Variants in C2orf76 observed in about 807,000 individuals in gnomAD.
C2orf76 encodes UPF0538 protein C2orf76.
Under a neutral mutation model 16.9 loss-of-function variants are expected in C2orf76, and 23 were observed. That is an observed-to-expected ratio of 1.36 (90% CI 0.98 to 1.93). The LOEUF is 1.93. Ranked by LOEUF, C2orf76 falls within the 30% of genes most tolerant of loss-of-function variation. The pLI, the probability that C2orf76 is intolerant of heterozygous loss-of-function variation, is 0.00. For synonymous variants in C2orf76, 48 were observed against 52.3 expected (o/e 0.92, Z 0.35); for missense variants, 152 against 152.6 (o/e 1.00, Z 0.02).
chr2:119,366,603 T>A (rs1317612834), intron 1 of C2orf76, 187 bp downstream of exon 1: 1 of 446,222 alleles, frequency 2.2e-6, no homozygotes, highest in African/African-American at 2.0e-5. Context: ...TGTCCAGAGA[T>A]GCAACTTCCG....
intron 2 of C2orf76, among the ~76,000 whole-genome samples, chr2:119,322,045 AT>A (rs1392842347): frequency 2.0e-5 from 3 of 152,136 alleles, no homozygotes; most frequent in South Asian, 2.1e-4. Context: ...TTAAAAACAT[AT>A]TCCAAATGCC....
chr2:119,294,119 A>G, the C2orf76 span, among the ~76,000 whole-genome samples: 1 of 152,140 alleles, frequency 6.6e-6, no homozygotes, highest in Non-Finnish European at 1.5e-5. Context: ...GGCCTTCTAC[A>G]TCGTAAAGGA....
chr2:119,343,724 G>A (rs1650665257), intron 1 of C2orf76, among the ~76,000 whole-genome samples: 2 of 152,160 alleles, frequency 1.3e-5, no homozygotes, highest in Non-Finnish European at 2.9e-5. Context: ...AGGTTGCAGT[G>A]AGCTGAGATT....
downstream of C2orf76, among the ~76,000 whole-genome samples, chr2:119,300,838 T>G (rs1678608860): frequency 1.3e-5 from 2 of 152,152 alleles, no homozygotes; most frequent in African/African-American, 4.8e-5. Context: ...TACTCAGTGT[T>G]TCTACTGAAT....
At chr2:119,363,734 A>T (rs1348366922) in intron 1 of C2orf76, among the ~76,000 whole-genome samples, 1 of 152,190 alleles carries the variant, frequency 6.6e-6, no homozygotes, top group Non-Finnish European at 1.5e-5. Flanking sequence ...TTATTAATAT[A>T]TCTTGCCAGG....
chr2:119,342,455 A>T lies in C2orf76; in HGVS notation c.-12-2484T>A, dbSNP rs539455483. Among the ~76,000 whole-genome samples, 110 of 151,866 alleles carry T rather than the reference A, an allele frequency of 7.2e-4. 1 individual carries two copies. The highest frequency in any genetic ancestry group is 4.7e-3 in the Admixed American group (71 of 15,244). ...GTGAAACCCAGCCTCTAATAAAAAT[A>T]AAAAAAATTAGCCAGGCATGGTGGC... is the stretch of plus-strand genomic sequence containing the variant. On this transcript the variant is annotated intron_variant, in intron 1 of 5. Transcript: ENST00000334816.
At chr2:119,364,287 G>A (rs1461235485) in intron 1 of C2orf76, among the ~76,000 whole-genome samples, 2 of 152,178 alleles carry the variant, frequency 1.3e-5, no homozygotes, top group South Asian at 2.1e-4. Context: ...CTACAACAAT[G>A]ACAATGGCCT....
At chr2:119,317,392 T>A in intron 4 of C2orf76, 74 bp downstream of exon 4, 1 of 1,080,416 alleles carries the variant, frequency 9.3e-7, no homozygotes, top group Non-Finnish European at 1.3e-6. Context: ...GTACATGTAT[T>A]CATTCACTTA....
intron 1 of C2orf76, among the ~76,000 whole-genome samples, chr2:119,352,031 T>C (rs1680423665): frequency 1.3e-5 from 2 of 152,180 alleles, no homozygotes; most frequent in South Asian, 4.1e-4. Context: ...TGTAAGAGAA[T>C]GGAATCCAAA....
chr2:119,329,792 TC>T (rs1317671724), intron 2 of C2orf76, among the ~76,000 whole-genome samples: 1 of 152,136 alleles, frequency 6.6e-6, no homozygotes, highest in Non-Finnish European at 1.5e-5. Flanking sequence ...GTCATAAATT[TC>T]CCACAAAACC....
intron 2 of C2orf76, among the ~76,000 whole-genome samples, chr2:119,334,768 G>C (rs1237739359): frequency 1.3e-5 from 2 of 151,814 alleles, no homozygotes; most frequent in African/African-American, 2.4e-5. Flanking sequence ...GGTGACAAGA[G>C]AATCTAATCT....
intron 1 of C2orf76, among the ~76,000 whole-genome samples, chr2:119,364,066 A>G (rs537069045): frequency 5.9e-5 from 9 of 151,834 alleles, no homozygotes; most frequent in Admixed American, 1.3e-4. Context: ...AGACAGACAG[A>G]GATAGGAGAA....
intron 1 of C2orf76, among the ~76,000 whole-genome samples, chr2:119,357,793 G>A (rs1480386349): frequency 1.3e-5 from 2 of 151,888 alleles, no homozygotes; most frequent in East Asian, 1.9e-4. Flanking sequence ...AAATAAAACT[G>A]TCCCTATTTG....
chr2:119,345,390 AAAC>A (rs1012394140), intron 1 of C2orf76, among the ~76,000 whole-genome samples: 3 of 152,220 alleles, frequency 2.0e-5, no homozygotes, highest in African/African-American at 7.2e-5. Flanking sequence ...ATTTTTTTAT[AAAC>A]AACTGGCAAG....
At chr2:119,284,006 C>T in the C2orf76 span, among the ~76,000 whole-genome samples, 1 of 152,272 alleles carries the variant, frequency 6.6e-6, no homozygotes, top group Non-Finnish European at 1.5e-5. Context: ...CCTGTGCCAC[C>T]TCCCTGGTAG....
At chr2:119,340,077 C>T (rs1364503482) in intron 1 of C2orf76, 106 bp from the exon 2 acceptor site, 1 of 1,243,998 alleles carries the variant, frequency 8.0e-7, no homozygotes, top group Non-Finnish European at 1.1e-6. Context: ...CCCGCTCTTC[C>T]ATGCTGCATG....
At chr2:119,312,478 G>A (rs55708703) in intron 4 of C2orf76, among the ~76,000 whole-genome samples, 2,864 of 152,146 alleles carry the variant, frequency 0.019, 82 homozygotes, top group African/African-American at 0.064. Flanking sequence ...TCAAACTCCT[G>A]AGGTCAAGTG....
At chr2:119,333,585 G>A (rs1219469669) in intron 2 of C2orf76, among the ~76,000 whole-genome samples, 5 of 152,200 alleles carry the variant, frequency 3.3e-5, no homozygotes, top group Non-Finnish European at 5.9e-5. Context: ...AAAGGCCAGC[G>A]AGTCAGCATT....
chr2:119,360,711 A>G (rs1680718106), intron 1 of C2orf76, among the ~76,000 whole-genome samples: 1 of 152,202 alleles, frequency 6.6e-6, no homozygotes, highest in East Asian at 1.9e-4. Context: ...TTAATTCATA[A>G]TAGCCAAAAA....
Sources: gnomAD v4.1 joint callset for allele counts (sites outside exome capture counted in the v4.1 genomes callset) on GRCh38, gnomAD v4.1.1 for gene constraint, MANE v1.5 for transcripts, NCBI Gene and HGNC (gene_info 2026-07-23, HGNC 2026-07-21) for gene names.